The following PDE1A variants were observed in gnomAD, a reference collection of about 807,000 sequenced individuals.
The protein encoded by PDE1A is dual specificity calcium/calmodulin-dependent 3',5'-cyclic nucleotide phosphodiesterase 1A.
A neutral mutation model predicts 61.7 loss-of-function variants in PDE1A; 35 were observed. That is an observed-to-expected ratio of 0.57 (90% CI 0.43 to 0.75). The LOEUF (loss-of-function observed/expected upper bound fraction) is 0.75. Ranked by LOEUF, PDE1A falls within the 30% of genes least tolerant of loss-of-function variation. PDE1A has a pLI of 0.00. For missense variants in PDE1A, 597 were observed against 630.6 expected (o/e 0.95, Z 0.57); for synonymous variants, 232 against 213.2 (o/e 1.09, Z -0.77).
At chr2:182,616,657 C>T in the PDE1A span, among the ~76,000 whole-genome samples, 1 of 152,222 alleles carries the variant, frequency 6.6e-6, no homozygotes, top group Non-Finnish European at 1.5e-5. Flanking sequence ...GAGGACATCA[C>T]ACTCCAGAGA....
At chr2:182,664,970 T>C in the PDE1A span, among the ~76,000 whole-genome samples, 2 of 152,210 alleles carry the variant, frequency 1.3e-5, no homozygotes, top group Non-Finnish European at 2.9e-5. Context: ...AAATACACAA[T>C]AGTTGTTGTC....
chr2:182,418,525 A>T (rs1703063967), intron 1 of PDE1A, among the ~76,000 whole-genome samples: 2 of 152,150 alleles, frequency 1.3e-5, no homozygotes, highest in Admixed American at 1.3e-4. Context: ...TAGACCACTT[A>T]ACAACATGAA....
chr2:182,543,953 T>A, the PDE1A span, among the ~76,000 whole-genome samples: 9 of 152,166 alleles, frequency 5.9e-5, no homozygotes, highest in Non-Finnish European at 1.3e-4. Flanking sequence ...CTGTCTCTCC[T>A]TCCCCACCTG....
intron 1 of PDE1A, among the ~76,000 whole-genome samples, chr2:182,329,746 T>G (rs1697281251): frequency 6.6e-6 from 1 of 152,146 alleles, no homozygotes; most frequent in East Asian, 1.9e-4. Flanking sequence ...CCATCACCAC[T>G]CCAGGGACCA....
At chr2:182,211,406 C>T (rs1046825166) in intron 7 of PDE1A, among the ~76,000 whole-genome samples, 2 of 152,156 alleles carry the variant, frequency 1.3e-5, no homozygotes, top group African/African-American at 4.8e-5. Context: ...ACTACACTGT[C>T]TTGATTACTG....
At chr2:182,688,984 T>G in the PDE1A span, among the ~76,000 whole-genome samples, 1 of 152,212 alleles carries the variant, frequency 6.6e-6, no homozygotes, top group Non-Finnish European at 1.5e-5. Flanking sequence ...CTAACTACCC[T>G]AAATATATAT....
the PDE1A span, among the ~76,000 whole-genome samples, chr2:182,564,975 C>A: frequency 6.6e-6 from 1 of 151,994 alleles, no homozygotes; most frequent in Non-Finnish European, 1.5e-5. Flanking sequence ...TCAAAGTTTT[C>A]AACTTCTTTG....
At chr2:182,566,494 CATAATATAAATTAT>C in the PDE1A span, among the ~76,000 whole-genome samples, 1 of 150,980 alleles carries the variant, frequency 6.6e-6, no homozygotes, top group Admixed American at 6.6e-5. Flanking sequence ...ATATGCTATG[CATAATATAAATTAT>C]ATAATATATA....
At chr2:182,603,507 C>T in the PDE1A span, among the ~76,000 whole-genome samples, 7 of 152,084 alleles carry the variant, frequency 4.6e-5, no homozygotes, top group Non-Finnish European at 7.4e-5. Flanking sequence ...GCCACCACAC[C>T]CCAGCTAATT....
the PDE1A span, among the ~76,000 whole-genome samples, chr2:182,702,104 T>TATTG: frequency 6.6e-6 from 1 of 152,146 alleles, no homozygotes; most frequent in East Asian, 1.9e-4. Context: ...ATTACTTATT[T>TATTG]ATTGATTGAT....
At chr2:182,350,062 T>C (rs1405134811) in intron 1 of PDE1A, among the ~76,000 whole-genome samples, 1 of 152,208 alleles carries the variant, frequency 6.6e-6, no homozygotes, top group Non-Finnish European at 1.5e-5. Context: ...TCAGTACTTA[T>C]CCTGCCCCCA....
At chr2:182,266,422 G>A (rs1692637589) in intron 1 of PDE1A, among the ~76,000 whole-genome samples, 1 of 152,126 alleles carries the variant, frequency 6.6e-6, no homozygotes, top group Admixed American at 6.6e-5. Flanking sequence ...AGAAGATAGA[G>A]TTTTTGTTTT....
chr2:182,595,585 T>C, the PDE1A span, among the ~76,000 whole-genome samples: 1 of 152,360 alleles, frequency 6.6e-6, no homozygotes, highest in Middle Eastern at 3.4e-3. Flanking sequence ...TGGCCAAAGA[T>C]TATTCTTATA....
chr2:182,178,942 G>T (rs1200105526), intron 13 of PDE1A, among the ~76,000 whole-genome samples: 1 of 152,112 alleles, frequency 6.6e-6, no homozygotes, highest in Non-Finnish European at 1.5e-5. Context: ...CAGAGGTCAA[G>T]CAAGAACCTG....
At chr2:182,225,211 T>C (rs1229681963) in intron 6 of PDE1A, among the ~76,000 whole-genome samples, 1 of 151,946 alleles carries the variant, frequency 6.6e-6, no homozygotes, top group East Asian at 1.9e-4. Context: ...CTATAGGGTC[T>C]GTATTAAAAT....
intron 1 of PDE1A, among the ~76,000 whole-genome samples, chr2:182,349,342 G>A (rs1248380950): frequency 1.3e-5 from 2 of 152,184 alleles, no homozygotes; most frequent in Admixed American, 1.3e-4. Context: ...GCCTCCAACT[G>A]TGCCAGCATA....
At chr2:182,289,336 T>C (rs78784592) in intron 1 of PDE1A, among the ~76,000 whole-genome samples, 1,586 of 150,482 alleles carry the variant, frequency 0.011, 28 homozygotes, top group South Asian at 0.07. Flanking sequence ...TCAGGTAACA[T>C]AGCAGACCAA....
intron 1 of PDE1A, among the ~76,000 whole-genome samples, chr2:182,306,769 G>T (rs181218395): frequency 5.9e-4 from 90 of 152,204 alleles, no homozygotes; most frequent in African/African-American, 2.0e-3. Flanking sequence ...GAATGACATT[G>T]GATCCTTATC....
At chr2:182,294,510 C>T (rs1007143308) in intron 1 of PDE1A, among the ~76,000 whole-genome samples, 2 of 152,084 alleles carry the variant, frequency 1.3e-5, no homozygotes, top group African/African-American at 4.8e-5. Context: ...ATGAGGTAAA[C>T]GTGCTACGTA....
Sources: allele counts gnomAD v4.1 joint callset (sites outside exome capture counted in the v4.1 genomes callset), GRCh38; gene constraint gnomAD v4.1.1; transcripts MANE v1.5; gene names NCBI Gene and HGNC (gene_info 2026-07-23, HGNC 2026-07-21).